The following CTNNA3 variants were observed in gnomAD, a reference collection of about 807,000 sequenced individuals.
CTNNA3 encodes the protein catenin alpha-3.
CTNNA3 carries 76 observed loss-of-function variants against 95.7 expected under a neutral mutation model. The ratio of observed to expected loss-of-function variants is 0.79; its 90% CI spans 0.66 to 0.96. The LOEUF (loss-of-function observed/expected upper bound fraction) is 0.96. Ranked by LOEUF, CTNNA3 falls within the 40% of genes least tolerant of loss-of-function variation. The probability of loss-of-function intolerance (pLI) is 0.00; values close to 1 mark genes in which losing one functional copy is unlikely to be tolerated. For missense variants in CTNNA3, 1,191 were observed against 1,089.8 expected, an observed-to-expected ratio of 1.09 and a Z score of -1.31; for synonymous variants, 431 against 374.4, an observed-to-expected ratio of 1.15 and a Z score of -1.74.
intron 15 of CTNNA3, among the ~76,000 whole-genome samples, chr10:66,004,537 A>C (rs1441205084): frequency 6.6e-6 from 1 of 152,164 alleles, no homozygotes; most frequent in East Asian, 1.9e-4. Context: ...TGTTCCCTAG[A>C]ACCAACAAAA....
At chr10:67,223,893 T>A (rs907921115) in intron 5 of CTNNA3, among the ~76,000 whole-genome samples, 11 of 152,262 alleles carry the variant, frequency 7.2e-5, no homozygotes, top group African/African-American at 2.4e-4. Context: ...AGTCTCTCAG[T>A]TTGAAGGGAT....
chr10:66,186,281 A>AGTGT (rs60910774), intron 13 of CTNNA3, among the ~76,000 whole-genome samples: 3,918 of 149,576 alleles, frequency 0.026, 94 homozygotes, highest in South Asian at 0.032. Context: ...ATAAAATGTG[A>AGTGT]GTGTGTGTGT....
intron 7 of CTNNA3, among the ~76,000 whole-genome samples, chr10:67,016,082 A>G (rs1852641503): frequency 6.6e-6 from 1 of 151,844 alleles, no homozygotes. Flanking sequence ...TAGAATACGT[A>G]TTTGTTGTGA....
chr10:66,927,958 G>A lies in CTNNA3; in HGVS notation c.1048-152434C>T. 6.2e-7 allele frequency: 1 copy of A among 1,614,254 alleles called. No homozygotes were observed. The highest frequency in any genetic ancestry group is 8.5e-7 in the Non-Finnish European group (1 of 1,180,046). ...CTGTGCCAGTCCCAAAGAGCTGCAA[G>A]GAGTAAATGTGATCGATGCAGTGAA... On this transcript the variant is annotated intron_variant, in intron 7 of 17. Transcript: ENST00000433211. The surrounding 1 kb of genome is among the most constrained non-coding windows in gnomAD (Gnocchi z 4.7).
chr10:67,146,496 CATATT>C (rs1860849650), intron 7 of CTNNA3, among the ~76,000 whole-genome samples: 1 of 152,154 alleles, frequency 6.6e-6, no homozygotes, highest in East Asian at 1.9e-4. Context: ...TATAGCCACA[CATATT>C]ATAGCACTCA....
chr10:66,335,195 G>A (rs1036454562), intron 12 of CTNNA3, among the ~76,000 whole-genome samples: 1 of 152,000 alleles, frequency 6.6e-6, no homozygotes, highest in Non-Finnish European at 1.5e-5. Flanking sequence ...TTAGCTCAGA[G>A]TAGTTTGATT....
At chr10:67,685,604 T>A (rs184476465) in intron 1 of CTNNA3, among the ~76,000 whole-genome samples, 1 of 152,362 alleles carries the variant, frequency 6.6e-6, no homozygotes, top group East Asian at 1.9e-4. Context: ...GTGGCCTCAG[T>A]GCTTTCGGGC....
chr10:66,649,663 C>T (rs1316285969), intron 9 of CTNNA3, among the ~76,000 whole-genome samples: 1 of 152,198 alleles, frequency 6.6e-6, no homozygotes, highest in Non-Finnish European at 1.5e-5. Flanking sequence ...GGATAGCTCC[C>T]ACAGCCCTGG....
Position 66,119,695 on chromosome 10 carries a change from A to G in CTNNA3, c.1885-16446T>C, listed in dbSNP as rs148982223. Among the ~76,000 whole-genome samples the G allele has an allele frequency of 2.5e-3, 383 of 152,272 alleles. 2 individuals are homozygous for G. Among genetic ancestry groups the G allele is most frequent in the African/African-American group, 8.9e-3 (369 of 41,570 alleles). On this transcript the variant is annotated intron_variant, in intron 13 of 17. Transcript: ENST00000433211. The stretch of plus-strand genomic sequence containing the variant: ...TTCAGTCATTCTTAGGTAAAAAGAC[A>G]GGATAATTAGGTTCTCATTCTTGTT...
chr10:67,330,667 A>T (rs750461850), intron 5 of CTNNA3, among the ~76,000 whole-genome samples: 1 of 151,394 alleles, frequency 6.6e-6, no homozygotes, highest in Non-Finnish European at 1.5e-5. Flanking sequence ...CATAAAGAAA[A>T]TAGAGAGGAA....
At chr10:67,030,059 C>T (rs1853624488) in intron 7 of CTNNA3, among the ~76,000 whole-genome samples, 1 of 152,170 alleles carries the variant, frequency 6.6e-6, no homozygotes, top group South Asian at 2.1e-4. Flanking sequence ...TTCTAAAAAA[C>T]AATCTTGTAA....
intron 11 of CTNNA3, among the ~76,000 whole-genome samples, chr10:66,398,731 C>A (rs1054224369): frequency 2.6e-5 from 4 of 151,916 alleles, no homozygotes; most frequent in African/African-American, 9.7e-5. Context: ...TTACTCAATT[C>A]AAGATCTTGA....
intron 14 of CTNNA3, among the ~76,000 whole-genome samples, chr10:66,096,526 C>CTTTT (rs5785749): frequency 7.4e-6 from 1 of 135,410 alleles, no homozygotes; most frequent in Non-Finnish European, 1.6e-5. Flanking sequence ...TCTTTTCTTT[C>CTTTT]TTTTTTTTTT....
chr10:67,344,423 G>C (rs529789956), intron 5 of CTNNA3, among the ~76,000 whole-genome samples: 1 of 151,922 alleles, frequency 6.6e-6, no homozygotes, highest in South Asian at 2.1e-4. Flanking sequence ...ACTAGCATTG[G>C]TATTAGTTCT....
chr10:66,831,804 C>A (rs1011690984), intron 7 of CTNNA3, among the ~76,000 whole-genome samples: 6 of 152,140 alleles, frequency 3.9e-5, no homozygotes, highest in African/African-American at 1.4e-4. Context: ...AGCACAATGT[C>A]TTTAATATGA....
At chr10:66,863,287 T>C (rs1225528171) in intron 7 of CTNNA3, among the ~76,000 whole-genome samples, 1 of 152,022 alleles carries the variant, frequency 6.6e-6, no homozygotes. Context: ...TGAAGAACCC[T>C]GACTAATACA....
chr10:67,458,679 T>G (rs1229723392), intron 5 of CTNNA3, among the ~76,000 whole-genome samples: 2 of 151,962 alleles, frequency 1.3e-5, no homozygotes, highest in Non-Finnish European at 2.9e-5. Flanking sequence ...AGGAGTTCAA[T>G]ACCTACCTGG....
rs117275751 is a variant in CTNNA3, at chr10:67,385,943, C to A, written c.579+135899G>T. On this transcript the variant is annotated intron_variant, in intron 5 of 17. Transcript: ENST00000433211. ...CACGGGAGCTTTAATATTAATGTGA[C>A]CTCCTGGTCACATACAGTGCAGTAA... 2.8e-4 allele frequency among the ~76,000 whole-genome samples: 42 copies of A among 151,946 alleles called. No individual in the cohort carries two copies. In the East Asian group the frequency reaches 7.6e-3, roughly 27 times the overall value.
intron 9 of CTNNA3, among the ~76,000 whole-genome samples, chr10:66,729,967 G>A (rs928224310): frequency 1.3e-5 from 2 of 152,000 alleles, no homozygotes; most frequent in East Asian, 2.0e-4. Context: ...TTAGCCAGGC[G>A]TGGTGGCAGG....
Sources: allele counts gnomAD v4.1 joint callset (sites outside exome capture counted in the v4.1 genomes callset), GRCh38; gene constraint gnomAD v4.1.1; non-coding constraint Gnocchi (gnomAD v3.1); transcripts MANE v1.5; gene names NCBI Gene and HGNC (gene_info 2026-07-23, HGNC 2026-07-21).